The following ARHGEF3 variants were observed in gnomAD, a reference collection of about 807,000 sequenced individuals.
ARHGEF3 encodes 59.8 kDA protein.
A neutral mutation model predicts 63.2 loss-of-function variants in ARHGEF3; 28 were observed. The observed-to-expected ratio is 0.44, with a 90% CI of 0.33 to 0.61. The LOEUF is 0.61. ARHGEF3 is among the 20% of genes least tolerant of loss of function. ARHGEF3 has a pLI of 0.03. For synonymous variants in ARHGEF3, 266 were observed against 254.2 expected (o/e 1.05, Z -0.44); for missense variants, 533 against 659.3 (o/e 0.81, Z 2.10).
At chr3:57,043,485 A>G (rs1045062268) in intron 1 of ARHGEF3, among the ~76,000 whole-genome samples, 8 of 73,746 alleles carry the variant, frequency 1.1e-4, no homozygotes, top group African/African-American at 3.4e-4. Context: ...AAATTGTTTC[A>G]AAGTTAAAAA....
Position 56,917,498 on chromosome 3 carries a change from C to A in ARHGEF3, c.130-35144G>T, listed in dbSNP as rs186383158. Reference sequence around the variant, plus strand: ...AGCAAAGACAGCAGGTTCATTTGAACAACAAGCTTCCGGTCTAACAGAAGG... The same window carrying A: ...AGCAAAGACAGCAGGTTCATTTGAAAAACAAGCTTCCGGTCTAACAGAAGG... On this transcript the variant is annotated intron_variant, in intron 3 of 12. Transcript: ENST00000338458. Among the ~76,000 whole-genome samples the A allele has an allele frequency of 3.5e-3, 533 of 152,224 alleles. 3 individuals carry two copies. The highest frequency in any genetic ancestry group is 0.012 in the African/African-American group (515 of 41,526).
chr3:57,002,777 CTT>C (rs368902975), intron 2 of ARHGEF3, among the ~76,000 whole-genome samples: 23 of 129,618 alleles, frequency 1.8e-4, no homozygotes, highest in Non-Finnish European at 2.8e-4. Flanking sequence ...TATTTCTTTT[CTT>C]TTTTTTTTTT....
chr3:57,009,423 G>T (rs1702594336), intron 2 of ARHGEF3, among the ~76,000 whole-genome samples: 1 of 152,054 alleles, frequency 6.6e-6, no homozygotes, highest in South Asian at 2.1e-4. Context: ...CGCACAACCC[G>T]CCACCCCTTA....
intron 2 of ARHGEF3, among the ~76,000 whole-genome samples, chr3:57,034,656 C>CTTT (rs34696155): frequency 0.026 from 2,882 of 109,490 alleles, 256 homozygotes; most frequent in African/African-American, 0.099. Context: ...ACTCCAAATT[C>CTTT]TTTTTTTTTT....
intron 7 of ARHGEF3, among the ~76,000 whole-genome samples, chr3:56,740,658 A>G (rs2033953295): frequency 6.6e-6 from 1 of 152,222 alleles, no homozygotes; most frequent in Non-Finnish European, 1.5e-5. Flanking sequence ...TATCTGAGCA[A>G]CTGTGTTATG....
rs553969094 is a variant in ARHGEF3 at position 56,956,670 on chromosome 3, C to T, written c.129+2153G>A. Among the ~76,000 whole-genome samples the T allele has an allele frequency of 2.0e-5, 3 of 152,218 alleles. No individual in the cohort carries two copies. The South Asian group carries it at 6.2e-4, about 32-fold the overall frequency. On this transcript the variant is annotated intron_variant, in intron 3 of 12. Transcript: ENST00000338458. ...TTTCAGTGCTCAACCCAGGACAGTC[C>T]CTGGGCAAACTTGGATGGTTGGTCA...
chr3:56,808,329 C>A (rs2107994752), intron 4 of ARHGEF3, among the ~76,000 whole-genome samples: 1 of 152,238 alleles, frequency 6.6e-6, no homozygotes, highest in Admixed American at 6.5e-5. Context: ...CGCCTGTAAT[C>A]CCAGCACTTT....
chr3:56,777,474 G>C (rs1014270767), intron 1 of ARHGEF3, among the ~76,000 whole-genome samples: 2 of 152,232 alleles, frequency 1.3e-5, no homozygotes, highest in Non-Finnish European at 1.5e-5. Context: ...TTTATTAAAT[G>C]GATTTTGATA....
intron 2 of ARHGEF3, among the ~76,000 whole-genome samples, chr3:57,031,666 A>C (rs559336476): frequency 3.9e-5 from 6 of 152,200 alleles, no homozygotes; most frequent in Non-Finnish European, 7.3e-5. Context: ...CCAAATGAAC[A>C]ATCAATTAAT....
chr3:56,818,375 T>C (rs2038346053), intron 4 of ARHGEF3, among the ~76,000 whole-genome samples: 1 of 152,218 alleles, frequency 6.6e-6, no homozygotes, highest in Admixed American at 6.5e-5. Flanking sequence ...ACAGTGTACA[T>C]GCTTAGCTGG....
At chr3:57,013,917 G>C (rs1025275766) in intron 2 of ARHGEF3, among the ~76,000 whole-genome samples, 2 of 152,234 alleles carry the variant, frequency 1.3e-5, no homozygotes, top group South Asian at 2.1e-4. Flanking sequence ...GCCGGAGCCA[G>C]CAGCGGCAAC....
At chr3:56,764,020 C>A (rs1187519358) in intron 2 of ARHGEF3, among the ~76,000 whole-genome samples, 1 of 152,074 alleles carries the variant, frequency 6.6e-6, no homozygotes, top group South Asian at 2.1e-4. Flanking sequence ...AAACATAAAA[C>A]CACATATTTA....
chr3:56,844,351 T>C (rs2039413260), intron 4 of ARHGEF3, among the ~76,000 whole-genome samples: 1 of 152,184 alleles, frequency 6.6e-6, no homozygotes, highest in African/African-American at 2.4e-5. Flanking sequence ...CTTCTTTTCT[T>C]ATGACTTATT....
At chr3:56,934,406 C>T (rs1393005891) in intron 3 of ARHGEF3, among the ~76,000 whole-genome samples, 1 of 152,240 alleles carries the variant, frequency 6.6e-6, no homozygotes, top group Non-Finnish European at 1.5e-5. Context: ...ACTGTGGGAG[C>T]CCCTTTCTGG....
chr3:56,744,889 T>C lies in ARHGEF3; in HGVS notation c.870+316A>G, dbSNP rs113069603. ...TTCTAACTAAACAAAATTTAAAATA[T>C]ACACAAAGATCTTGTCCCTCACAGA... On this transcript the variant is annotated intron_variant, in intron 7 of 9. Coordinates refer to ENST00000296315, the MANE Select transcript of ARHGEF3 (RefSeq NM_019555.3). 5.9e-3 allele frequency among the ~76,000 whole-genome samples: 903 copies of C among 152,278 alleles called. 9 individuals are homozygous for C. The highest frequency in any genetic ancestry group is 0.021 in the African/African-American group (866 of 41,552).
chr3:56,914,986 A>T (rs1210027017), intron 3 of ARHGEF3, among the ~76,000 whole-genome samples: 7 of 152,194 alleles, frequency 4.6e-5, no homozygotes, highest in Non-Finnish European at 1.0e-4. Flanking sequence ...TAAAATAGTC[A>T]AGATGGTAAA....
chr3:57,064,629 CAT>C (rs780173580), intron 1 of ARHGEF3, among the ~76,000 whole-genome samples: 2 of 152,186 alleles, frequency 1.3e-5, no homozygotes, highest in Admixed American at 6.5e-5. Flanking sequence ...AATTCTGACA[CAT>C]GTTACAACAT....
chr3:57,077,670 T>G (rs1706279855), intron 1 of ARHGEF3, among the ~76,000 whole-genome samples: 1 of 152,082 alleles, frequency 6.6e-6, no homozygotes, highest in Admixed American at 6.5e-5. Context: ...GACTAGACAA[T>G]GTCAGACTGT....
At chr3:57,031,293 C>T (rs1703722485) in intron 2 of ARHGEF3, among the ~76,000 whole-genome samples, 1 of 152,216 alleles carries the variant, frequency 6.6e-6, no homozygotes, top group Admixed American at 6.5e-5. Context: ...ATTGTGTTTA[C>T]TGATTACCAT....
Sources: allele counts gnomAD v4.1 joint callset (sites outside exome capture counted in the v4.1 genomes callset), GRCh38; gene constraint gnomAD v4.1.1; transcripts MANE v1.5; gene names NCBI Gene and HGNC (gene_info 2026-07-23, HGNC 2026-07-21).